Variants in SLC34A3 observed in about 807,000 individuals in gnomAD.
SLC34A3 encodes solute carrier family 34 member 3.
SLC34A3 carries 60 observed loss-of-function variants against 43.9 expected under a neutral mutation model. The observed-to-expected ratio is 1.37, with a 90% CI of 1.11 to 1.70. The LOEUF (loss-of-function observed/expected upper bound fraction) is 1.70, where lower values mean the gene tolerates loss of function less well. Among genes scored for constraint, SLC34A3 ranks in the 40% most tolerant of loss-of-function variants. SLC34A3 has a pLI of 0.00. For synonymous variants in SLC34A3, 451 were observed against 386.2 expected (o/e 1.17, Z -1.97); for missense variants, 969 against 823.8 (o/e 1.18, Z -2.16).
Position 137,234,010 on chromosome 9 carries a change from G to A in SLC34A3, c.925+69G>A, listed in dbSNP as rs764105966. The A allele has an allele frequency of 6.3e-5, 91 of 1,452,266 alleles. No individual in the cohort carries two copies. In the South Asian group the frequency reaches 9.6e-4, roughly 15 times the overall value. The allele number at this position is 1,452,266 out of a possible 1,614,324, so 90.0% of individuals were successfully genotyped here. ...CCCCTCACCGGCCCCTACATGGAGA[G>A]GAACAGCACAGCCCCGGCGGACAGG... On this transcript the variant is annotated intron_variant, in intron 9 of 12. Coordinates refer to ENST00000673835, the MANE Select transcript of SLC34A3 (RefSeq NM_001177316.2). The surrounding 1 kb of genome is among the most constrained non-coding windows in gnomAD (Gnocchi z 6.9).
intron 8 of SLC34A3, 57 bp downstream of exon 8, chr9:137,233,779 T>TGGGGGCCC: frequency 1.4e-6 from 2 of 1,445,780 alleles, no homozygotes; most frequent in Middle Eastern, 2.1e-4. Flanking sequence ...TGCTGAGTCA[T>TGGGGGCCC]CCCGCCCCAC....
At position 137,236,352 on chromosome 9, in the gene SLC34A3, A is replaced by G; in HGVS notation, c.1736A>G (p.Lys579Arg). ...CCPCNVCSPP[K>R]ATTKEAYCYE... ...CCCTGCAACGTCTGCAGCCCCCCGA[A>G]GGCCACCACCAAAGAGGCCTACTGC... The change falls in exon 13 of 13, where the codon AAG (lysine) becomes AGG (arginine). Residue 579 changes from lysine (K) to arginine (R), a missense_variant. Transcript: ENST00000673835. The G allele has an allele frequency of 4.5e-6, 7 of 1,540,910 alleles. No individual in the cohort carries two copies. The highest frequency in any genetic ancestry group is 1.2e-5 in the South Asian group (1 of 84,074).
chr9:137,231,781 A>G lies in SLC34A3; in HGVS notation c.79A>G (p.Asn27Asp), dbSNP rs750540324. ...TGACCTAGTGGAAAAGACTCTGAGGAATGAAGGTACCAGTGGCCCCTGTGC... is the reference window on the plus strand; with the variant it reads ...TGACCTAGTGGAAAAGACTCTGAGGGATGAAGGTACCAGTGGCCCCTGTGC... ...AVDLVEKTLRNEGTSSSAPVL... is the reference protein window; with the variant it reads ...AVDLVEKTLRDEGTSSSAPVL... The change falls in exon 2 of 13, where the codon AAT (asparagine) becomes GAT (aspartate). Residue 27 changes from asparagine to aspartate, a missense_variant. Coordinates refer to ENST00000673835, the MANE Select transcript of SLC34A3 (RefSeq NM_001177316.2). 6 of 1,613,058 alleles carry G rather than the reference A, an allele frequency of 3.7e-6. No homozygotes were observed. The highest frequency in any genetic ancestry group is 5.1e-6 in the Non-Finnish European group (6 of 1,179,860).
Position 137,234,159 on chromosome 9 carries a change from A to G in SLC34A3, c.976A>G (p.Ile326Val), listed in dbSNP as rs760906029. The G allele has an allele frequency of 2.5e-6, 4 of 1,601,828 alleles. No homozygotes were observed. The highest frequency in any genetic ancestry group is 3.4e-5 in the Admixed American group (2 of 59,452). ...TELTDLAVGC[I>V]LLAGSLLVLC... The stretch of plus-strand genomic sequence containing the variant: ...GCTCACGGACCTGGCCGTGGGCTGC[A>G]TCCTGCTGGCCGGCTCCCTGCTGGT... Residue 326 changes from isoleucine to valine, a missense_variant, in exon 10 of 13, where the codon ATC becomes GTC. Physicochemically the swap from Ile to Val is conservative, Grantham distance 29 (BLOSUM62 3). Coordinates refer to ENST00000673835, the MANE Select transcript of SLC34A3 (RefSeq NM_001177316.2). This position sits in a 1 kb window ranked among gnomAD's most constrained non-coding sequence, Gnocchi z 6.9.
chr9:137,236,542 G>A lies in SLC34A3; in HGVS notation c.*126G>A. 2.3e-6 allele frequency: 2 copies of A among 864,640 alleles called. No homozygotes were observed. Among genetic ancestry groups the A allele is most frequent in the Non-Finnish European group, 3.7e-6 (2 of 538,766 alleles). The allele number at this position is 864,640 out of a possible 1,614,324, so 53.6% of individuals were successfully genotyped here. The stretch of plus-strand genomic sequence containing the variant: ...CTTCCCCTTCTGTGCAAATAAACCA[G>A]GCTGTTATCTGGGGTGGCGGTCCTC... On this transcript the variant is annotated 3_prime_UTR_variant, in exon 13 of 13. Coordinates refer to ENST00000673835, the MANE Select transcript of SLC34A3 (RefSeq NM_001177316.2).
chr9:137,233,692 T>TA lies in SLC34A3; in HGVS notation c.818dup (p.His274AlafsTer319). The TA allele has an allele frequency of 6.2e-7, 1 of 1,612,704 alleles. No individual in the cohort carries two copies. Among genetic ancestry groups the TA allele is most frequent in the Non-Finnish European group, 8.5e-7 (1 of 1,179,962 alleles). ...GCAACGCCACTAACAGCAGTCTCATTAAGCACTGGTGCGGCACCACGGGGC... is the reference window on the plus strand; with the variant it reads ...GCAACGCCACTAACAGCAGTCTCATTAAAGCACTGGTGCGGCACCACGGGGC... On this transcript the variant is annotated frameshift_variant, in exon 8 of 13. Transcript: ENST00000673835. LOFTEE classifies it high-confidence loss of function.
In SLC34A3 at chr9:137,232,123, C is replaced by T. The variant is rs752413019; in HGVS notation, c.137C>T (p.Thr46Ile). 6.2e-7 allele frequency: 1 copy of T among 1,613,180 alleles called. No homozygotes were observed. Among genetic ancestry groups the T allele is most frequent in the Non-Finnish European group, 8.5e-7 (1 of 1,180,016 alleles). ...GAGGAAGGGGACACAGACCCCTGGA[C>T]CCTCCCTCAGCTGAAGGACACAAGC... Reference protein sequence around the residue: ...VLEEGDTDPWTLPQLKDTSQP... With the variant: ...VLEEGDTDPWILPQLKDTSQP... Residue 46 changes from threonine to isoleucine, a missense_variant, in exon 3 of 13, where the codon ACC becomes ATC. Transcript: ENST00000673835.
Position 137,236,083 on chromosome 9 carries a change from G to A in SLC34A3, c.1467G>A (p.Gly489=), listed in dbSNP as rs1588852702. 2 of 1,612,368 alleles carry A rather than the reference G, an allele frequency of 1.2e-6. No homozygotes were observed. The highest frequency in any genetic ancestry group is 1.7e-6 in the Non-Finnish European group (2 of 1,179,840). ...CCGCCCGTTACCGCTGGGTGGCTGG[G>A]GTCTACCTGCTGCTCGGATTCCTGC... The part of the protein sequence containing the change: ...VVTARYRWVA[G]VYLLLGFLLL... Residue 489 remains glycine (G), a synonymous_variant, in exon 13 of 13, where the codon GGG becomes GGA. Coordinates refer to ENST00000673835, the MANE Select transcript of SLC34A3 (RefSeq NM_001177316.2).
In SLC34A3 at chr9:137,233,325, C is replaced by T. The variant is rs772167258; in HGVS notation, c.677C>T (p.Ala226Val). ...AGGCTAAGTGAGCTAGCCCTGGGTGCCGCCAGCCTGACACCCAGGGCGCAG... is the reference window on the plus strand; with the variant it reads ...AGGCTAAGTGAGCTAGCCCTGGGTGTCGCCAGCCTGACACCCAGGGCGCAG... ...LERLSELALG[A>V]ASLTPRAQAP... The change falls in exon 7 of 13, where the codon GCC becomes GTC. Residue 226 changes from alanine to valine, a missense_variant. By Grantham distance (64) the Ala-to-Val change is moderately conservative (BLOSUM62 0). Coordinates refer to ENST00000673835, the MANE Select transcript of SLC34A3 (RefSeq NM_001177316.2). The T allele has an allele frequency of 1.2e-6, 2 of 1,601,900 alleles. No homozygotes were observed. The highest frequency in any genetic ancestry group is 8.5e-7 in the Non-Finnish European group (1 of 1,175,120).
At chr9:137,230,574 C>T (rs1836157690), upstream of SLC34A3, among the ~76,000 whole-genome samples, 1 of 152,202 alleles carries the variant, frequency 6.6e-6, no homozygotes, top group South Asian at 2.1e-4. Context: ...ACTCTAGCAT[C>T]CTGCCTGGCT....
chr9:137,232,808 A>G lies in SLC34A3; in HGVS notation c.329A>G (p.Lys110Arg), dbSNP rs987165996. 10 of 1,613,038 alleles carry G rather than the reference A, an allele frequency of 6.2e-6. No homozygotes were observed. The highest frequency in any genetic ancestry group is 7.6e-6 in the Non-Finnish European group (9 of 1,180,012). ...GGCAAAGTGGCCGGAGACATCTTCAAGGACAACGTGGTGCTGTCCAACCCT... is the reference window on the plus strand; with the variant it reads ...GGCAAAGTGGCCGGAGACATCTTCAGGGACAACGTGGTGCTGTCCAACCCT... ...LGSKVAGDIFKDNVVLSNPVA... is the reference protein window; with the variant it reads ...LGSKVAGDIFRDNVVLSNPVA... Residue 110 changes from lysine to arginine, a missense_variant, in exon 5 of 13, where the codon AAG becomes AGG. Coordinates refer to ENST00000673835, the MANE Select transcript of SLC34A3 (RefSeq NM_001177316.2).
chr9:137,235,445 C>A (rs978130398), intron 12 of SLC34A3, among the ~76,000 whole-genome samples: 7 of 152,192 alleles, frequency 4.6e-5, no homozygotes, highest in Non-Finnish European at 8.8e-5. Flanking sequence ...CCACTTAGAC[C>A]CTCCCAGTGC....
At chr9:137,232,250 A>C in intron 3 of SLC34A3, 89 bp downstream of exon 3, 1 of 1,290,622 alleles carries the variant, frequency 7.7e-7, no homozygotes, top group Non-Finnish European at 1.1e-6. Flanking sequence ...GCCTGCCCAA[A>C]CAGGCTGTGT....
Position 137,232,177 on chromosome 9 carries a change from C to T in SLC34A3, c.175+16C>T. On this transcript the variant is annotated intron_variant, in intron 3 of 12. Transcript: ENST00000673835. ...CCCTGGAAAGGTGGGTCTGGAGGTT[C>T]CGGGGGTGGCAGGCTGGCAGGCCTC... The T allele has an allele frequency of 6.2e-7, 1 of 1,610,780 alleles. No individual in the cohort carries two copies. Among genetic ancestry groups the T allele is most frequent in the Non-Finnish European group, 8.5e-7 (1 of 1,178,290 alleles).
At chr9:137,233,779 T>TTGGCCCCCCCCCCCCCCCCC in intron 8 of SLC34A3, 57 bp downstream of exon 8, 4 of 1,445,788 alleles carry the variant, frequency 2.8e-6, no homozygotes, top group East Asian at 2.3e-5. Flanking sequence ...TGCTGAGTCA[T>TTGGCCCCCCCCCCCCCCCCC]CCCGCCCCAC....
At position 137,232,871 on chromosome 9, in the gene SLC34A3, T is replaced by C; in HGVS notation, c.392T>C (p.Leu131Pro). ...GTCATTGGCGTGCTGGTCACAGCCC[T>C]GGTGCAGAGTTCCAGCACGTCCTCC... Reference protein sequence around the residue: ...GLVIGVLVTALVQSSSTSSSI... With the variant: ...GLVIGVLVTAPVQSSSTSSSI... The change falls in exon 5 of 13, where the codon CTG (leucine) becomes CCG (proline). Residue 131 changes from leucine to proline, a missense_variant. By Grantham distance (98) the Leu-to-Pro change is moderately conservative (BLOSUM62 -3). Transcript: ENST00000673835. The C allele has an allele frequency of 6.2e-7, 1 of 1,611,920 alleles. No homozygotes were observed. Among genetic ancestry groups the C allele is most frequent in the Non-Finnish European group, 8.5e-7 (1 of 1,179,516 alleles).
chr9:137,234,413 C>A lies in SLC34A3; in HGVS notation c.1094-3C>A, dbSNP rs1197094284. On this transcript the variant is annotated splice_polypyrimidine_tract_variant and splice_region_variant and intron_variant, in intron 10 of 12. Coordinates refer to ENST00000673835, the MANE Select transcript of SLC34A3 (RefSeq NM_001177316.2). The surrounding 1 kb of genome is among the most constrained non-coding windows in gnomAD (Gnocchi z 6.9). Reference sequence around the variant, plus strand: ...GCCAGGGCTGACCCGGCATCCCCCACAGACTTCCCCTTCCCGCTGGGCTGG... The same window carrying A: ...GCCAGGGCTGACCCGGCATCCCCCAAAGACTTCCCCTTCCCGCTGGGCTGG... The A allele has an allele frequency of 3.1e-6, 5 of 1,597,582 alleles. No homozygotes were observed. The highest frequency in any genetic ancestry group is 4.2e-6 in the Non-Finnish European group (5 of 1,178,596).
chr9:137,233,579 G>A (rs566360592), intron 7 of SLC34A3, 54 bp from the exon 8 acceptor site: 73 of 1,587,374 alleles, frequency 4.6e-5, no homozygotes, highest in Admixed American at 3.8e-4. Flanking sequence ...CCAGAGCCCC[G>A]GGTGAGTCCT....
In SLC34A3 at chr9:137,234,366, C is replaced by T. The variant is rs759408375; in HGVS notation, c.1094-50C>T. The T allele has an allele frequency of 6.3e-7, 1 of 1,598,680 alleles. No homozygotes were observed. Among genetic ancestry groups the T allele is most frequent in the Non-Finnish European group, 8.5e-7 (1 of 1,178,432 alleles). On this transcript the variant is annotated intron_variant, in intron 10 of 12. Coordinates refer to ENST00000673835, the MANE Select transcript of SLC34A3 (RefSeq NM_001177316.2). The surrounding 1 kb of genome is among the most constrained non-coding windows in gnomAD (Gnocchi z 6.9). The stretch of plus-strand genomic sequence containing the variant: ...CCCACCAGGCTGACTCGGGGGCTAC[C>T]TGGCCCTCCTTGTGGGCGCTGGCCA...
Sources: allele counts gnomAD v4.1 joint callset (sites outside exome capture counted in the v4.1 genomes callset), GRCh38; gene constraint gnomAD v4.1.1; non-coding constraint Gnocchi (gnomAD v3.1); transcripts MANE v1.5; gene names NCBI Gene and HGNC (gene_info 2026-07-23, HGNC 2026-07-21).